DISC1: variants seen among roughly 807,000 people sequenced by gnomAD.
DISC1 encodes disrupted in schizophrenia 1 protein.
Under a neutral mutation model 84.5 loss-of-function variants are expected in DISC1, and 57 were observed. That is an observed-to-expected ratio of 0.67 (90% confidence interval 0.55 to 0.84). The LOEUF is 0.84. DISC1 is among the 40% of genes least tolerant of loss of function. The pLI, the probability that DISC1 is intolerant of heterozygous loss-of-function variation, is 0.00. For synonymous variants in DISC1, 411 were observed against 415.2 expected (o/e 0.99, Z 0.12); for missense variants, 1,000 against 1,057.8 (o/e 0.95, Z 0.76).
At chr1:231,769,676 G>T (rs376469690) in intron 5 of DISC1, among the ~76,000 whole-genome samples, 1 of 152,204 alleles carries the variant, frequency 6.6e-6, no homozygotes, top group Non-Finnish European at 1.5e-5. Flanking sequence ...AAAGAGTTCT[G>T]TGGATGGATG....
chr1:231,730,847 C>T (rs897338894), intron 3 of DISC1, among the ~76,000 whole-genome samples: 6 of 152,160 alleles, frequency 3.9e-5, no homozygotes, highest in Non-Finnish European at 5.9e-5. Flanking sequence ...GTAATTAACC[C>T]ATTTTGGTGA....
intron 9 of DISC1, chr1:231,866,807 A>G (rs2085096462): frequency 1.2e-5 from 12 of 1,043,462 alleles, no homozygotes; most frequent in Non-Finnish European, 1.5e-5. Flanking sequence ...AAGTCATGAT[A>G]GTTTCTTAAT....
chr1:231,916,509 G>A (rs2089636250), intron 9 of DISC1, among the ~76,000 whole-genome samples: 3 of 151,634 alleles, frequency 2.0e-5, no homozygotes, highest in Non-Finnish European at 4.4e-5. Flanking sequence ...AAAAAAATTA[G>A]CCGGGCGTAG....
At chr1:231,932,718 G>C (rs1471941651) in intron 9 of DISC1, among the ~76,000 whole-genome samples, 1 of 152,124 alleles carries the variant, frequency 6.6e-6, no homozygotes, top group Non-Finnish European at 1.5e-5. Context: ...GCCTCTCCAG[G>C]AGCCAATCAT....
intron 9 of DISC1, among the ~76,000 whole-genome samples, chr1:231,876,451 C>G (rs2085896417): frequency 6.6e-6 from 1 of 152,138 alleles, no homozygotes; most frequent in South Asian, 2.1e-4. Flanking sequence ...CATTACCCAG[C>G]CTCATGTATT....
chr1:231,724,577 A>G (rs550564673), intron 3 of DISC1, among the ~76,000 whole-genome samples: 1 of 152,272 alleles, frequency 6.6e-6, no homozygotes, highest in South Asian at 2.1e-4. Flanking sequence ...CTCTTCCCCC[A>G]AAGGCAGTCT....
At chr1:231,775,849 A>G (rs545236108) in intron 6 of DISC1, among the ~76,000 whole-genome samples, 1 of 152,002 alleles carries the variant, frequency 6.6e-6, no homozygotes, top group South Asian at 2.1e-4. Flanking sequence ...TTCTTCTCCC[A>G]CACGAAACCC....
In DISC1 at chr1:231,693,983, G is replaced by C. The variant is rs2065351093; in HGVS notation, c.225G>C (p.Glu75Asp). 6 of 1,613,982 alleles carry C rather than the reference G, an allele frequency of 3.7e-6. No homozygotes were observed. The highest frequency in any genetic ancestry group is 5.1e-6 in the Non-Finnish European group (6 of 1,179,980). ...TCCCAGGAGGGGTGTCTGGCGAGGA[G>C]TCCCACCACTCGGAGTCCAGGGCCA... is the stretch of plus-strand genomic sequence containing the variant. The part of the protein sequence containing the change: ...FRFPGGVSGE[E>D]SHHSESRARQ... Residue 75 changes from glutamate to aspartate, a missense_variant, in exon 2 of 13, where the codon GAG becomes GAC. Coordinates refer to ENST00000439617, the MANE Select transcript of DISC1 (RefSeq NM_018662.3).
At chr1:231,865,499 C>G (rs993279697) in intron 9 of DISC1, among the ~76,000 whole-genome samples, 1 of 152,130 alleles carries the variant, frequency 6.6e-6, no homozygotes, top group South Asian at 2.1e-4. Flanking sequence ...TAATCTTTAG[C>G]CTAATAAACA....
chr1:231,886,754 T>TCTTCCTTCCTTC (rs547981455), intron 9 of DISC1, among the ~76,000 whole-genome samples: 2 of 124,170 alleles, frequency 1.6e-5, no homozygotes, highest in African/African-American at 3.0e-5. Flanking sequence ...TTTCTTCCTT[T>TCTTCCTTCCTTC]CTTCCTTCCT....
At chr1:231,665,299 G>C (rs1441260335) in intron 1 of DISC1, among the ~76,000 whole-genome samples, 4 of 147,234 alleles carry the variant, frequency 2.7e-5, no homozygotes, top group Non-Finnish European at 6.0e-5. Flanking sequence ...ATCTCTTTCA[G>C]TTCTCACATT....
chr1:231,756,516 CGAGAGAGAGAGA>C (rs60818301), intron 4 of DISC1, among the ~76,000 whole-genome samples: 2,768 of 133,520 alleles, frequency 0.021, 37 homozygotes, highest in African/African-American at 0.022. Context: ...ATGTGAATAT[CGAGAGAGAGAGA>C]GAGAGAGAGA....
chr1:231,739,946 C>T (rs190765364), intron 3 of DISC1, among the ~76,000 whole-genome samples: 23 of 152,162 alleles, frequency 1.5e-4, no homozygotes, highest in African/African-American at 4.1e-4. Flanking sequence ...AATTCTAATG[C>T]GATGGTATTA....
intron 9 of DISC1, among the ~76,000 whole-genome samples, chr1:231,908,782 T>G (rs930030742): frequency 6.6e-6 from 1 of 152,236 alleles, no homozygotes; most frequent in Admixed American, 6.5e-5. Context: ...TTTCGCGATA[T>G]TGATTCTTCC....
intron 3 of DISC1, among the ~76,000 whole-genome samples, chr1:231,725,717 T>A (rs1470610730): frequency 6.6e-6 from 1 of 152,190 alleles, no homozygotes; most frequent in Non-Finnish European, 1.5e-5. Context: ...TAAGCCCCAG[T>A]TTGGGGGCTT....
chr1:231,674,012 G>A (rs916373290), intron 1 of DISC1, among the ~76,000 whole-genome samples: 4 of 152,090 alleles, frequency 2.6e-5, no homozygotes, highest in Admixed American at 2.0e-4. Flanking sequence ...AGACTTCCTG[G>A]GATCTAGTCC....
intron 1 of DISC1, among the ~76,000 whole-genome samples, chr1:231,644,644 C>G (rs545579529): frequency 7.6e-4 from 115 of 152,254 alleles, no homozygotes; most frequent in African/African-American, 2.7e-3. Flanking sequence ...AATGGCACAA[C>G]CTCCTCAACA....
intron 11 of DISC1, among the ~76,000 whole-genome samples, chr1:232,019,054 C>A (rs960674806): frequency 6.6e-6 from 1 of 152,166 alleles, no homozygotes; most frequent in Non-Finnish European, 1.5e-5. Context: ...CTTCAATAAG[C>A]ATTACTGAGC....
intron 1 of DISC1, among the ~76,000 whole-genome samples, chr1:231,676,384 C>G (rs977220511): frequency 2.0e-5 from 3 of 152,192 alleles, no homozygotes; most frequent in Non-Finnish European, 4.4e-5. Flanking sequence ...TACGAATCCA[C>G]CTACCTGTCC....
Sources: gnomAD v4.1 joint callset for allele counts (sites outside exome capture counted in the v4.1 genomes callset) on GRCh38, gnomAD v4.1.1 for gene constraint, MANE v1.5 for transcripts, NCBI Gene and HGNC (gene_info 2026-07-23, HGNC 2026-07-21) for gene names.